PTPRE: variants seen among roughly 807,000 people sequenced by gnomAD.
PTPRE encodes protein tyrosine phosphatase receptor type E, also known as receptor-type tyrosine-protein phosphatase epsilon.
PTPRE carries 51 observed loss-of-function variants against 102.0 expected under a neutral mutation model. The observed-to-expected ratio is 0.50, with a 90% CI of 0.40 to 0.63. The LOEUF (loss-of-function observed/expected upper bound fraction) is 0.63. PTPRE is among the 30% of genes least tolerant of loss of function. The probability of loss-of-function intolerance (pLI) is 0.00; values close to 1 mark genes in which losing one functional copy is unlikely to be tolerated. For missense variants in PTPRE, 752 were observed against 915.1 expected (o/e 0.82, Z 2.30); for synonymous variants, 345 against 348.2 (o/e 0.99, Z 0.10).
chr10:127,920,574 C>T (rs12415045), intron 1 of PTPRE, among the ~76,000 whole-genome samples: 62,185 of 152,024 alleles, frequency 0.41, 13,983 homozygotes, highest in African/African-American at 0.62. Flanking sequence ...GCACTGTACC[C>T]GAGCCTGGGG....
chr10:128,064,487 C>T (rs1190806636), intron 10 of PTPRE, among the ~76,000 whole-genome samples: 3 of 152,192 alleles, frequency 2.0e-5, no homozygotes, highest in African/African-American at 7.2e-5. Flanking sequence ...AGGAGGACAC[C>T]CACGCGAGGG....
chr10:128,075,728 A>G (rs937722944), intron 17 of PTPRE, among the ~76,000 whole-genome samples: 2 of 152,228 alleles, frequency 1.3e-5, no homozygotes, highest in Admixed American at 1.3e-4. Context: ...AATTAACAAA[A>G]TATTGTTCAT....
At position 128,072,452 on chromosome 10, in the gene PTPRE, A is replaced by G. The variant is rs942759138; in HGVS notation, c.1464+238A>G. 6 of 395,304 alleles carry G rather than the reference A, an allele frequency of 1.5e-5. No homozygotes were observed. In the Admixed American group the frequency reaches 2.7e-4, roughly 18 times the overall value. 24.5% of individuals were successfully genotyped at this position (395,304 alleles called of 1,614,324 possible). A position where few individuals can be genotyped will look rare whatever the true frequency, so the allele number is the denominator to read the frequency against. On this transcript the variant is annotated intron_variant, in intron 16 of 20. Transcript: ENST00000254667. ...CAGATCACTTGGGGTCAGGAGTTTG[A>G]AACTAGCCTGGCCAATATGGCAAAA... is the stretch of plus-strand genomic sequence containing the variant.
chr10:127,987,165 G>A (rs564929874), intron 2 of PTPRE: 1 of 238,532 alleles, frequency 4.2e-6, no homozygotes, highest in Admixed American at 6.5e-5. Context: ...AAAGAGCCTA[G>A]TAGGTAATCC....
chr10:127,937,417 G>A (rs1173311363), intron 1 of PTPRE, among the ~76,000 whole-genome samples: 2 of 152,160 alleles, frequency 1.3e-5, no homozygotes, highest in East Asian at 3.9e-4. Context: ...TGAATTTTCT[G>A]AGCTGGAAGG....
intron 20 of PTPRE, 40 bp from the exon 21 acceptor site, chr10:128,082,792 T>G (rs781571702): frequency 6.6e-7 from 1 of 1,524,332 alleles, no homozygotes; most frequent in African/African-American, 1.4e-5. Context: ...AATATATTTT[T>G]GGGAATATCA....
chr10:127,938,502 G>A (rs909890925), intron 1 of PTPRE, among the ~76,000 whole-genome samples: 10 of 152,156 alleles, frequency 6.6e-5, no homozygotes, highest in African/African-American at 2.2e-4. Context: ...TTAGGAGGCT[G>A]AGGTGGGAGG....
intron 2 of PTPRE, among the ~76,000 whole-genome samples, chr10:127,992,905 T>A (rs1852830807): frequency 6.6e-6 from 1 of 152,234 alleles, no homozygotes; most frequent in Admixed American, 6.5e-5. Flanking sequence ...CCAGAACAAG[T>A]AGCCCCTTTC....
At chr10:127,977,663 T>C (rs572102631) in intron 1 of PTPRE, among the ~76,000 whole-genome samples, 2 of 152,378 alleles carry the variant, frequency 1.3e-5, no homozygotes, top group South Asian at 2.1e-4. Context: ...GCTGTAGTTT[T>C]ATTTTCTTCT....
intron 1 of PTPRE, among the ~76,000 whole-genome samples, chr10:127,967,515 C>T (rs1467586470): frequency 6.6e-6 from 1 of 152,186 alleles, no homozygotes; most frequent in Non-Finnish European, 1.5e-5. Context: ...TGCTTTTGCT[C>T]CTCCTTCACC....
intron 2 of PTPRE, among the ~76,000 whole-genome samples, chr10:128,036,203 C>T (rs1479497149): frequency 1.3e-5 from 2 of 152,038 alleles, no homozygotes; most frequent in African/African-American, 4.8e-5. Flanking sequence ...CTCCCTTCCT[C>T]GGGCCCTAGT....
chr10:128,022,840 G>T (rs1049515000), intron 2 of PTPRE, among the ~76,000 whole-genome samples: 1 of 152,240 alleles, frequency 6.6e-6, no homozygotes, highest in African/African-American at 2.4e-5. Flanking sequence ...GGAGATGACG[G>T]TCGATTGGAA....
intron 1 of PTPRE, among the ~76,000 whole-genome samples, chr10:127,962,005 C>G (rs957982047): frequency 5.3e-5 from 8 of 152,132 alleles, no homozygotes; most frequent in Non-Finnish European, 1.0e-4. Flanking sequence ...GAGAGAGACT[C>G]CATTTTTCTC....
chr10:128,048,465 G>A (rs1590134321), intron 5 of PTPRE, among the ~76,000 whole-genome samples: 1 of 152,128 alleles, frequency 6.6e-6, no homozygotes, highest in African/African-American at 2.4e-5. Flanking sequence ...CTACCTAACT[G>A]TAGTCAGTTC....
chr10:127,944,087 C>T lies in PTPRE; in HGVS notation c.-31+36778C>T, dbSNP rs1399775249. ...GTCAGGGATGTGAGTCAGCCAATGG[C>T]CAAGCTTTGACTTTCGGCCAGGGTG... On this transcript the variant is annotated intron_variant, in intron 1 of 20. Coordinates refer to ENST00000254667, the MANE Select transcript of PTPRE (RefSeq NM_006504.6). The surrounding 1 kb of genome is among the most constrained non-coding windows in gnomAD (Gnocchi z 4.2). Among the ~76,000 whole-genome samples the T allele has an allele frequency of 2.0e-5, 3 of 152,142 alleles. No individual in the cohort carries two copies. The highest frequency in any genetic ancestry group is 4.4e-5 in the Non-Finnish European group (3 of 68,012).
At chr10:128,023,688 G>A (rs1325617860) in intron 2 of PTPRE, among the ~76,000 whole-genome samples, 2 of 152,192 alleles carry the variant, frequency 1.3e-5, no homozygotes, top group Non-Finnish European at 2.9e-5. Flanking sequence ...TACATAAATC[G>A]ATGGTGCTTT....
At chr10:127,974,998 G>T (rs1163079356) in intron 1 of PTPRE, among the ~76,000 whole-genome samples, 2 of 152,186 alleles carry the variant, frequency 1.3e-5, no homozygotes, top group African/African-American at 4.8e-5. Context: ...GATGGAAGGG[G>T]CGGGCGGGGA....
chr10:128,076,842 CCT>C, intron 18 of PTPRE, 114 bp downstream of exon 18: 1 of 1,440,570 alleles, frequency 6.9e-7, no homozygotes, highest in South Asian at 1.2e-5. Flanking sequence ...TGCTCCTTCA[CCT>C]AGTCCCATTG....
chr10:127,983,163 C>T (rs540433250), intron 2 of PTPRE, among the ~76,000 whole-genome samples: 2 of 152,134 alleles, frequency 1.3e-5, no homozygotes, highest in South Asian at 4.2e-4. Context: ...GGCAGGGTGC[C>T]CTTTGTGGCA....
Sources: allele counts gnomAD v4.1 joint callset (sites outside exome capture counted in the v4.1 genomes callset), GRCh38; gene constraint gnomAD v4.1.1; non-coding constraint Gnocchi (gnomAD v3.1); transcripts MANE v1.5; gene names NCBI Gene and HGNC (gene_info 2026-07-23, HGNC 2026-07-21).